The following SLC38A3 variants were observed in gnomAD, a reference collection of about 807,000 sequenced individuals.
SLC38A3 encodes sodium-coupled neutral amino acid transporter 3.
In SLC38A3, 17 loss-of-function variants were observed where a neutral mutation model predicts 59.5. The ratio of observed to expected loss-of-function variants is 0.29; its 90% CI spans 0.20 to 0.43. The LOEUF (loss-of-function observed/expected upper bound fraction) is 0.43. Among genes scored for constraint, SLC38A3 ranks in the 20% least tolerant of loss-of-function variants. SLC38A3 has a pLI of 1.00. For missense variants in SLC38A3, 454 were observed against 653.9 expected, an observed-to-expected ratio of 0.69 and a Z score of 3.33; for synonymous variants, 238 against 260.3, an observed-to-expected ratio of 0.91 and a Z score of 0.82.
At chr3:50,219,748 G>A in intron 14 of SLC38A3, 133 bp from the exon 15 acceptor site, 1 of 715,454 alleles carries the variant, frequency 1.4e-6, no homozygotes. Flanking sequence ...GCTAGAATCA[G>A]GCAGAGCTCT....
chr3:50,211,401 C>T (rs936784375), intron 1 of SLC38A3, among the ~76,000 whole-genome samples: 1 of 152,160 alleles, frequency 6.6e-6, no homozygotes, highest in Non-Finnish European at 1.5e-5. Flanking sequence ...TGCCACAGAA[C>T]CTTCCTTCAA....
At chr3:50,211,698 C>T (rs902926944) in intron 1 of SLC38A3, among the ~76,000 whole-genome samples, 4 of 150,012 alleles carry the variant, frequency 2.7e-5, no homozygotes, top group Admixed American at 6.7e-5. Flanking sequence ...AAGCAATTCT[C>T]CTGCCTCAGC....
In SLC38A3 at chr3:50,214,606, C is replaced by T; in HGVS notation, c.184-47C>T. ...AGGGGAAGGCTGCGATGCCCCTGTC[C>T]CTTGCTGACTCCTCCCACCCTCCCC... is the stretch of plus-strand genomic sequence containing the variant. On this transcript the variant is annotated intron_variant, in intron 3 of 15. Transcript: ENST00000614032. This position sits in a 1 kb window ranked among gnomAD's most constrained non-coding sequence, Gnocchi z 6.0. 6.7e-7 allele frequency: 1 copy of T among 1,499,998 alleles called. No individual in the cohort carries two copies. The highest frequency in any genetic ancestry group is 1.4e-5 in the African/African-American group (1 of 72,656). 92.9% of individuals were successfully genotyped at this position (1,499,998 alleles called of 1,614,324 possible). A position where few individuals can be genotyped will look rare whatever the true frequency, so the allele number is the denominator to read the frequency against.
Position 50,215,850 on chromosome 3 carries a change from A to G in SLC38A3, c.548+29A>G. 2.4e-6 allele frequency: 1 copy of G among 421,292 alleles called. No individual in the cohort carries two copies. The highest frequency in any genetic ancestry group is 3.2e-6 in the Non-Finnish European group (1 of 308,896). The allele number at this position is 421,292 out of a possible 1,614,324, so 26.1% of individuals were successfully genotyped here. A position where few individuals can be genotyped will look rare whatever the true frequency, so the allele number is the denominator to read the frequency against. ...AGCCCTGGCGTGGGGAGGGGAGGGG[A>G]GGGGTGCGGTGCAGTGAGGAGGGGT... On this transcript the variant is annotated intron_variant, in intron 7 of 15. Coordinates refer to ENST00000614032, the MANE Select transcript of SLC38A3 (RefSeq NM_006841.6). This position sits in a 1 kb window ranked among gnomAD's most constrained non-coding sequence, Gnocchi z 7.1.
chr3:50,211,413 G>A (rs1301787341), intron 1 of SLC38A3, among the ~76,000 whole-genome samples: 19 of 152,086 alleles, frequency 1.2e-4, no homozygotes, highest in Non-Finnish European at 1.5e-5. Context: ...TTCCTTCAAC[G>A]CTTACAGCTT....
Position 50,208,558 on chromosome 3 carries a change from C to G in SLC38A3, c.-52+3210C>G, listed in dbSNP as rs35768187. ...GATTACAGGCGTGAGCCACCATGCC[C>G]GGCCTTACAGCTGTCTCTTGCTGTC... On this transcript the variant is annotated intron_variant, in intron 1 of 15. Coordinates refer to ENST00000614032, the MANE Select transcript of SLC38A3 (RefSeq NM_006841.6). Among the ~76,000 whole-genome samples, 1,463 of 152,344 alleles carry G rather than the reference C, an allele frequency of 9.6e-3. 17 individuals are homozygous for G. Among genetic ancestry groups the G allele is most frequent in the Non-Finnish European group, 0.015 (1,014 of 68,036 alleles).
chr3:50,215,081 T>C lies in SLC38A3; in HGVS notation c.300-305T>C, dbSNP rs748242329. Among the ~76,000 whole-genome samples, 19 of 152,270 alleles carry C rather than the reference T, an allele frequency of 1.2e-4. No homozygotes were observed. The highest frequency in any genetic ancestry group is 2.2e-4 in the Non-Finnish European group (15 of 68,048). ...ACACGTGTCCTTTGGCTGGGGGCTC[T>C]GCCCTGAAGCCAGAATGGAAAACAT... On this transcript the variant is annotated intron_variant, in intron 4 of 15. Coordinates refer to ENST00000614032, the MANE Select transcript of SLC38A3 (RefSeq NM_006841.6). This position sits in a 1 kb window ranked among gnomAD's most constrained non-coding sequence, Gnocchi z 7.1.
chr3:50,215,250 A>G lies in SLC38A3; in HGVS notation c.300-136A>G. 1 of 738,654 alleles carries G rather than the reference A, an allele frequency of 1.4e-6. No individual in the cohort carries two copies. The highest frequency in any genetic ancestry group is 2.4e-6 in the Non-Finnish European group (1 of 425,132). 45.8% of individuals were successfully genotyped at this position (738,654 alleles called of 1,614,324 possible). Reference sequence around the variant, plus strand: ...CACCCCTGGGGCCTGCTGAGCTGGCATCCATACCTGTTGGGAGTCCAGACA... The same window carrying G: ...CACCCCTGGGGCCTGCTGAGCTGGCGTCCATACCTGTTGGGAGTCCAGACA... On this transcript the variant is annotated intron_variant, in intron 4 of 15. Transcript: ENST00000614032. This position sits in a 1 kb window ranked among gnomAD's most constrained non-coding sequence, Gnocchi z 7.1.
chr3:50,217,377 G>A lies in SLC38A3; in HGVS notation c.632-38G>A. On this transcript the variant is annotated intron_variant, in intron 8 of 15. Transcript: ENST00000614032. The surrounding 1 kb of genome is among the most constrained non-coding windows in gnomAD (Gnocchi z 4.9). ...GATGTTGGAGGCATACACCATGGGA[G>A]GGGCCCCAGGTCTCAGAGTGCTCCC... The A allele has an allele frequency of 6.2e-7, 1 of 1,611,764 alleles. No homozygotes were observed. Among genetic ancestry groups the A allele is most frequent in the East Asian group, 2.2e-5 (1 of 44,832 alleles).
rs1469408811 is a variant in SLC38A3, at chr3:50,218,376, G to T, written c.1036+6G>T. On this transcript the variant is annotated splice_donor_region_variant and intron_variant, in intron 12 of 15. Coordinates refer to ENST00000614032, the MANE Select transcript of SLC38A3 (RefSeq NM_006841.6). This position sits in a 1 kb window ranked among gnomAD's most constrained non-coding sequence, Gnocchi z 5.8. Reference sequence around the variant, plus strand: ...CGGCTACCTCACCTTCTACAGTACGGTGGCACCGGTGGGCAGAGGCCTAGG... The same window carrying T: ...CGGCTACCTCACCTTCTACAGTACGTTGGCACCGGTGGGCAGAGGCCTAGG... 8 of 1,594,710 alleles carry T rather than the reference G, an allele frequency of 5.0e-6. No individual in the cohort carries two copies. Among genetic ancestry groups the T allele is most frequent in the Non-Finnish European group, 6.9e-6 (8 of 1,162,354 alleles).
Position 50,218,162 on chromosome 3 carries a change from C to T in SLC38A3, c.936-108C>T. 9.5e-7 allele frequency: 1 copy of T among 1,055,416 alleles called. No individual in the cohort carries two copies. The highest frequency in any genetic ancestry group is 1.5e-6 in the Non-Finnish European group (1 of 685,838). 65.4% of individuals were successfully genotyped at this position (1,055,416 alleles called of 1,614,324 possible). On this transcript the variant is annotated intron_variant, in intron 11 of 15. Transcript: ENST00000614032. The surrounding 1 kb of genome is among the most constrained non-coding windows in gnomAD (Gnocchi z 5.8). ...ATTATGAGCAAGAAGGAGACTCCCT[C>T]AGATGCTGAATGGTGAAAGTATGGT...
In SLC38A3 at chr3:50,218,993, G is replaced by T. The variant is rs1220076429; in HGVS notation, c.1306+45G>T. On this transcript the variant is annotated intron_variant, in intron 14 of 15. Coordinates refer to ENST00000614032, the MANE Select transcript of SLC38A3 (RefSeq NM_006841.6). This position sits in a 1 kb window ranked among gnomAD's most constrained non-coding sequence, Gnocchi z 5.8. The stretch of plus-strand genomic sequence containing the variant: ...GTGGAAGCAGGGTATTGCCCCAGAG[G>T]ATTTCAACTCTGCAAATCCTGGCAG... The T allele has an allele frequency of 1.3e-6, 2 of 1,584,348 alleles. No homozygotes were observed. Among genetic ancestry groups the T allele is most frequent in the South Asian group, 1.1e-5 (1 of 90,498 alleles).
chr3:50,212,727 C>T (rs1386880346), intron 1 of SLC38A3, among the ~76,000 whole-genome samples: 3 of 152,156 alleles, frequency 2.0e-5, no homozygotes, highest in South Asian at 2.1e-4. Context: ...TCCAGGGGCA[C>T]CAGGCCTGAG....
intron 1 of SLC38A3, among the ~76,000 whole-genome samples, chr3:50,211,884 G>A (rs1393712671): frequency 2.0e-5 from 3 of 152,072 alleles, no homozygotes; most frequent in Non-Finnish European, 2.9e-5. Flanking sequence ...CACTGCGCCC[G>A]GCACCCCCAT....
intron 1 of SLC38A3, among the ~76,000 whole-genome samples, chr3:50,206,700 A>C (rs1369954947): frequency 6.6e-6 from 1 of 152,184 alleles, no homozygotes; most frequent in Admixed American, 6.5e-5. Flanking sequence ...TGATTTCTTG[A>C]CATTGGGAGC....
At chr3:50,208,934 G>A (rs936559225) in intron 1 of SLC38A3, among the ~76,000 whole-genome samples, 8 of 152,114 alleles carry the variant, frequency 5.3e-5, no homozygotes, top group East Asian at 1.9e-4. Context: ...CCTCCAGGCC[G>A]ACCTTGACTT....
Position 50,218,018 on chromosome 3 carries a change from TG to T in SLC38A3, c.935+27del. ...AGGAGTAGGTGTCTGTGGCTGGGAG[TG>T]GGGGTGGGGATGCCCTGAGCTGGTT... On this transcript the variant is annotated intron_variant, in intron 11 of 15. Coordinates refer to ENST00000614032, the MANE Select transcript of SLC38A3 (RefSeq NM_006841.6). This position sits in a 1 kb window ranked among gnomAD's most constrained non-coding sequence, Gnocchi z 5.8. 1 of 1,610,742 alleles carries T rather than the reference TG, an allele frequency of 6.2e-7. No individual in the cohort carries two copies. Among genetic ancestry groups the T allele is most frequent in the Admixed American group, 1.7e-5 (1 of 59,892 alleles).
At chr3:50,206,171 GGCA>G (rs1699645252) in intron 1 of SLC38A3, among the ~76,000 whole-genome samples, 1 of 152,282 alleles carries the variant, frequency 6.6e-6, no homozygotes, top group Admixed American at 6.5e-5. Flanking sequence ...TTTACACCCA[GGCA>G]GGGGGAGGCC....
Position 50,217,636 on chromosome 3 carries a change from G to T in SLC38A3, c.691-40G>T, listed in dbSNP as rs1338591557. On this transcript the variant is annotated intron_variant, in intron 9 of 15. Coordinates refer to ENST00000614032, the MANE Select transcript of SLC38A3 (RefSeq NM_006841.6). This position sits in a 1 kb window ranked among gnomAD's most constrained non-coding sequence, Gnocchi z 4.9. ...TCATGGTGACTTCCCAGGCAGTCCA[G>T]CCTGGGAGTCTCTGACACCCTCATC... 6.2e-7 allele frequency: 1 copy of T among 1,610,112 alleles called. No individual in the cohort carries two copies. The highest frequency in any genetic ancestry group is 1.3e-5 in the African/African-American group (1 of 74,682).
Sources: allele counts gnomAD v4.1 joint callset (sites outside exome capture counted in the v4.1 genomes callset), GRCh38; gene constraint gnomAD v4.1.1; non-coding constraint Gnocchi (gnomAD v3.1); transcripts MANE v1.5; gene names NCBI Gene and HGNC (gene_info 2026-07-23, HGNC 2026-07-21).